Variants in OLIG2 observed in about 807,000 individuals in gnomAD.
OLIG2 encodes the protein basic domain, helix-loop-helix protein, class B, 1.
OLIG2 carries 12 observed loss-of-function variants against 13.4 expected under a neutral mutation model. The ratio of observed to expected loss-of-function variants is 0.90; its 90% confidence interval spans 0.58 to 1.46. The LOEUF (loss-of-function observed/expected upper bound fraction) is 1.46. Ranked by LOEUF, OLIG2 falls within the 40% of genes most tolerant of loss-of-function variation. The pLI is 0.00. For synonymous variants in OLIG2, 250 were observed against 233.6 expected (o/e 1.07, Z -0.64); for missense variants, 415 against 487.9 (o/e 0.85, Z 1.41).
chr21:33,027,864 AG>A lies in OLIG2; in HGVS notation c.*34del. On this transcript the variant is annotated 3_prime_UTR_variant, in exon 2 of 2. Transcript: ENST00000382357. ...ACTGGCGCCGGCGCGTTCTGGCGAC[AG>A]GGGAGCCAGGGGCCGCGGGGAAGCG... 1 of 1,361,846 alleles carries A rather than the reference AG, an allele frequency of 7.3e-7. No homozygotes were observed. The allele number at this position is 1,361,846 out of a possible 1,614,324, so 84.4% of individuals were successfully genotyped here. A position where few individuals can be genotyped will look rare whatever the true frequency, so the allele number is the denominator to read the frequency against.
In OLIG2 at chr21:33,028,244, AG is replaced by A; in HGVS notation, c.*415del. ...GGCTTGGGCAGCACTTCGGGGGGGGAGGGGGTGTTATGGGAGGGGGACACAT... is the reference window on the plus strand; with the variant it reads ...GGCTTGGGCAGCACTTCGGGGGGGGAGGGGTGTTATGGGAGGGGGACACAT... On this transcript the variant is annotated 3_prime_UTR_variant, in exon 2 of 2. Transcript: ENST00000382357. 1 of 220,674 alleles carries A rather than the reference AG, an allele frequency of 4.5e-6. No homozygotes were observed. 13.7% of individuals were successfully genotyped at this position (220,674 alleles called of 1,614,324 possible).
Position 33,026,513 on chromosome 21 carries a change from A to T in OLIG2, c.-62-288A>T. ...TAACTGAAAGCCCGAAGCCTCTAGA[A>T]TGCCACCCGCACCCCGAGGGTCACC... On this transcript the variant is annotated intron_variant, in intron 1 of 1. Transcript: ENST00000382357. The surrounding 1 kb of genome is among the most constrained non-coding windows in gnomAD (Gnocchi z 6.6). 1 of 300,744 alleles carries T rather than the reference A, an allele frequency of 3.3e-6. No homozygotes were observed. The highest frequency in any genetic ancestry group is 6.3e-6 in the Non-Finnish European group (1 of 159,300). The allele number at this position is 300,744 out of a possible 1,614,324, so 18.6% of individuals were successfully genotyped here.
Position 33,026,735 on chromosome 21 carries a change from T to A in OLIG2, c.-62-66T>A. 2 of 1,222,942 alleles carry A rather than the reference T, an allele frequency of 1.6e-6. No homozygotes were observed. The highest frequency in any genetic ancestry group is 2.2e-6 in the Non-Finnish European group (2 of 899,742). The allele number at this position is 1,222,942 out of a possible 1,614,324, so 75.8% of individuals were successfully genotyped here. A position where few individuals can be genotyped will look rare whatever the true frequency, so the allele number is the denominator to read the frequency against. On this transcript the variant is annotated intron_variant, in intron 1 of 1. Transcript: ENST00000382357. The surrounding 1 kb of genome is among the most constrained non-coding windows in gnomAD (Gnocchi z 6.6). ...AGCAGCTTTTCTGTCTCTCACTGAC[T>A]CACTCTCTCTCTCTCTCCCTCTCTC... is the stretch of plus-strand genomic sequence containing the variant.
In OLIG2 at chr21:33,027,236, A is replaced by T; in HGVS notation, c.374A>T (p.Asn125Ile). ...GAGCGCAAGCGCATGCACGACCTCA[A>T]CATCGCCATGGATGGCCTCCGCGAG... ...SRERKRMHDL[N>I]IAMDGLREVM... Residue 125 changes from asparagine to isoleucine, a missense_variant, in exon 2 of 2, where the codon AAC (asparagine) becomes ATC (isoleucine). Asn to Ile is a moderately radical substitution (Grantham distance 149). Around this residue, in one of 3 missense-constraint regions of OLIG2, gnomAD observed 50 missense variants for 119.9 expected, o/e 0.42. Transcript: ENST00000382357. 1 of 1,610,984 alleles carries T rather than the reference A, an allele frequency of 6.2e-7. No individual in the cohort carries two copies. Among genetic ancestry groups the T allele is most frequent in the Non-Finnish European group, 8.5e-7 (1 of 1,179,018 alleles).
chr21:33,027,728 G>A lies in OLIG2; in HGVS notation c.866G>A (p.Gly289Asp). The A allele has an allele frequency of 2.2e-6, 3 of 1,368,864 alleles. No individual in the cohort carries two copies. Among genetic ancestry groups the A allele is most frequent in the Non-Finnish European group, 9.4e-7 (1 of 1,068,946 alleles). 84.8% of individuals were successfully genotyped at this position (1,368,864 alleles called of 1,614,324 possible). A position where few individuals can be genotyped will look rare whatever the true frequency, so the allele number is the denominator to read the frequency against. Residue 289 changes from glycine to aspartate, a missense_variant, in exon 2 of 2, where the codon GGC (glycine) becomes GAC (aspartate). Gly to Asp is a moderately conservative substitution (Grantham distance 94). Coordinates refer to ENST00000382357, the MANE Select transcript of OLIG2 (RefSeq NM_005806.4). ...GCGAGCGGGGGCTTCCAGCACTGGG[G>A]CGGCATGCCCTGCCCCTGCAGCATG... is the stretch of plus-strand genomic sequence containing the variant. ...SGASGGFQHW[G>D]GMPCPCSMCQ...
In OLIG2 at chr21:33,028,892, T is replaced by C. The variant is rs983207671; in HGVS notation, c.*1058T>C. ...TTTGCTCACGTGACTGCCAGCCCCA[T>C]CGGAGTCTAAGCCGGCTTTCCTCTA... On this transcript the variant is annotated 3_prime_UTR_variant, in exon 2 of 2. Coordinates refer to ENST00000382357, the MANE Select transcript of OLIG2 (RefSeq NM_005806.4). 2.9e-5 allele frequency: 7 copies of C among 242,252 alleles called. No homozygotes were observed. Among genetic ancestry groups the C allele is most frequent in the African/African-American group, 2.2e-5 (1 of 45,100 alleles). The allele number at this position is 242,252 out of a possible 1,614,324, so 15.0% of individuals were successfully genotyped here. A position where few individuals can be genotyped will look rare whatever the true frequency, so the allele number is the denominator to read the frequency against.
rs1161105637 is a variant in OLIG2 at position 33,026,068 on chromosome 21, G to C, written c.-63+42G>C. On this transcript the variant is annotated intron_variant, in intron 1 of 1. Transcript: ENST00000382357. The surrounding 1 kb of genome is among the most constrained non-coding windows in gnomAD (Gnocchi z 6.6). Reference sequence around the variant, plus strand: ...CACAGCAGCCGCAGCCTAGATCCCAGGGACAGACTCTCCTCAACTCGGCTG... The same window carrying C: ...CACAGCAGCCGCAGCCTAGATCCCACGGACAGACTCTCCTCAACTCGGCTG... The C allele has an allele frequency of 6.6e-6, 1 of 152,514 alleles. No homozygotes were observed. Among genetic ancestry groups the C allele is most frequent in the African/African-American group, 2.4e-5 (1 of 41,446 alleles). 9.4% of individuals were successfully genotyped at this position (152,514 alleles called of 1,614,324 possible).
At position 33,027,627 on chromosome 21, in the gene OLIG2, T is replaced by C; in HGVS notation, c.765T>C (p.Arg255=). ...GSGLPSVGSI[R]PPHGLLKSPS... Reference sequence around the variant, plus strand: ...GGCTGCCGTCGGTCGGCTCCATCCGTCCACCGCACGGCCTACTCAAGTCTC... The same window carrying C: ...GGCTGCCGTCGGTCGGCTCCATCCGCCCACCGCACGGCCTACTCAAGTCTC... The change falls in exon 2 of 2, where the codon CGT becomes CGC. Residue 255 remains arginine, a synonymous_variant. Coordinates refer to ENST00000382357, the MANE Select transcript of OLIG2 (RefSeq NM_005806.4). The C allele has an allele frequency of 6.8e-7, 1 of 1,474,682 alleles. No homozygotes were observed. The highest frequency in any genetic ancestry group is 2.4e-5 in the Admixed American group (1 of 41,690). The allele number at this position is 1,474,682 out of a possible 1,614,324, so 91.3% of individuals were successfully genotyped here.
At position 33,026,569 on chromosome 21, in the gene OLIG2, A is replaced by G; in HGVS notation, c.-62-232A>G. On this transcript the variant is annotated intron_variant, in intron 1 of 1. Coordinates refer to ENST00000382357, the MANE Select transcript of OLIG2 (RefSeq NM_005806.4). This position sits in a 1 kb window ranked among gnomAD's most constrained non-coding sequence, Gnocchi z 6.6. ...TCCCTGAAATAACCTGTTGCATGAG[A>G]GCAGAGGGGAGATAGAGAGAGCTTA... is the stretch of plus-strand genomic sequence containing the variant. The G allele has an allele frequency of 2.2e-6, 1 of 463,462 alleles. No individual in the cohort carries two copies. Among genetic ancestry groups the G allele is most frequent in the Non-Finnish European group, 3.9e-6 (1 of 257,316 alleles). The allele number at this position is 463,462 out of a possible 1,614,324, so 28.7% of individuals were successfully genotyped here.
In OLIG2 at chr21:33,026,522, G is replaced by A. The variant is rs749437902; in HGVS notation, c.-62-279G>A. On this transcript the variant is annotated intron_variant, in intron 1 of 1. Transcript: ENST00000382357. The surrounding 1 kb of genome is among the most constrained non-coding windows in gnomAD (Gnocchi z 6.6). ...GCCCGAAGCCTCTAGAATGCCACCC[G>A]CACCCCGAGGGTCACCAACGCTCCC... 39 of 295,988 alleles carry A rather than the reference G, an allele frequency of 1.3e-4. 1 individual carries two copies. Among genetic ancestry groups the A allele is most frequent in the Non-Finnish European group, 2.2e-4 (35 of 156,694 alleles). The allele number at this position is 295,988 out of a possible 1,614,324, so 18.3% of individuals were successfully genotyped here.
In OLIG2 at chr21:33,026,597, T is replaced by C. The variant is rs1003056369; in HGVS notation, c.-62-204T>C. ...AGAGGGGAGATAGAGAGAGCTTAAT[T>C]ATAGGTACCCGCGTGCAGCTAAAAG... On this transcript the variant is annotated intron_variant, in intron 1 of 1. Transcript: ENST00000382357. This position sits in a 1 kb window ranked among gnomAD's most constrained non-coding sequence, Gnocchi z 6.6. 5 of 539,590 alleles carry C rather than the reference T, an allele frequency of 9.3e-6. No homozygotes were observed. The Admixed American group carries it at 1.4e-4, about 15-fold the overall frequency. 33.4% of individuals were successfully genotyped at this position (539,590 alleles called of 1,614,324 possible).
Position 33,027,397 on chromosome 21 carries a change from G to T in OLIG2, c.535G>T (p.Gly179Cys). 1 of 1,547,950 alleles carries T rather than the reference G, an allele frequency of 6.5e-7. No homozygotes were observed. Among genetic ancestry groups the T allele is most frequent in the East Asian group, 2.4e-5 (1 of 40,860 alleles). Reference protein sequence around the residue: ...MKRLVSEIYGGHHAGFHPSAC... With the variant: ...MKRLVSEIYGCHHAGFHPSAC... ...GCGACTGGTGAGCGAGATCTACGGG[G>T]GCCACCACGCTGGCTTCCACCCGTC... The change falls in exon 2 of 2, where the codon GGC becomes TGC. Residue 179 changes from glycine (G) to cysteine (C), a missense_variant. Physicochemically the swap from Gly to Cys is radical, Grantham distance 159. Coordinates refer to ENST00000382357, the MANE Select transcript of OLIG2 (RefSeq NM_005806.4).
rs922123131 is a variant in OLIG2, at chr21:33,027,959, G to A, written c.*125G>A. 2.0e-5 allele frequency: 22 copies of A among 1,095,522 alleles called. No individual in the cohort carries two copies. In the South Asian group the frequency reaches 5.7e-4, roughly 28 times the overall value. The allele number at this position is 1,095,522 out of a possible 1,614,324, so 67.9% of individuals were successfully genotyped here. On this transcript the variant is annotated 3_prime_UTR_variant, in exon 2 of 2. Coordinates refer to ENST00000382357, the MANE Select transcript of OLIG2 (RefSeq NM_005806.4). ...GGCGCAGGACCATGGACTGGGGGTG[G>A]GGCATGGTGGGGATTCCAGCATCTG...
chr21:33,027,084 C>A lies in OLIG2; in HGVS notation c.222C>A (p.Gly74=), dbSNP rs753283799. Residue 74 remains glycine (G), a synonymous_variant, in exon 2 of 2, where the codon GGC becomes GGA. Transcript: ENST00000382357. Reference sequence around the variant, plus strand: ...CTGGGGACAAGCTAGGAGGCAGTGGCTTCAAGTCATCCTCGTCCAGCACCT... The same window carrying A: ...CTGGGGACAAGCTAGGAGGCAGTGGATTCAAGTCATCCTCGTCCAGCACCT... ...AHPGDKLGGS[G]FKSSSSSTSS... 1 of 1,611,638 alleles carries A rather than the reference C, an allele frequency of 6.2e-7. No homozygotes were observed. Among genetic ancestry groups the A allele is most frequent in the Non-Finnish European group, 8.5e-7 (1 of 1,179,044 alleles).
chr21:33,026,990 C>T lies in OLIG2; in HGVS notation c.128C>T (p.Thr43Ile). Residue 43 changes from threonine to isoleucine, a missense_variant, in exon 2 of 2, where the codon ACC becomes ATC. Transcript: ENST00000382357. The surrounding 1 kb of genome is among the most constrained non-coding windows in gnomAD (Gnocchi z 6.6). ...ACTGGGGGCACCGTGTCCTCGTCCA[C>T]CCCGAGTGACTGCCCGCCGGAGCTG... ...AFTGGTVSSS[T>I]PSDCPPELSA... 1 of 1,612,402 alleles carries T rather than the reference C, an allele frequency of 6.2e-7. No individual in the cohort carries two copies. Among genetic ancestry groups the T allele is most frequent in the Non-Finnish European group, 8.5e-7 (1 of 1,179,558 alleles).
chr21:33,026,577 G>A lies in OLIG2; in HGVS notation c.-62-224G>A, dbSNP rs1981079085. On this transcript the variant is annotated intron_variant, in intron 1 of 1. Coordinates refer to ENST00000382357, the MANE Select transcript of OLIG2 (RefSeq NM_005806.4). This position sits in a 1 kb window ranked among gnomAD's most constrained non-coding sequence, Gnocchi z 6.6. ...ATAACCTGTTGCATGAGAGCAGAGG[G>A]GAGATAGAGAGAGCTTAATTATAGG... 8.1e-6 allele frequency: 4 copies of A among 495,382 alleles called. No individual in the cohort carries two copies. The highest frequency in any genetic ancestry group is 7.1e-5 in the South Asian group (3 of 42,444). 30.7% of individuals were successfully genotyped at this position (495,382 alleles called of 1,614,324 possible). A position where few individuals can be genotyped will look rare whatever the true frequency, so the allele number is the denominator to read the frequency against.
rs1225207017 is a variant in OLIG2 at position 33,027,174 on chromosome 21, G to C, written c.312G>C (p.Pro104=). 2.5e-6 allele frequency: 4 copies of C among 1,610,744 alleles called. No homozygotes were observed. Among genetic ancestry groups the C allele is most frequent in the Non-Finnish European group, 3.4e-6 (4 of 1,179,006 alleles). The change falls in exon 2 of 2, where the codon CCG becomes CCC. Residue 104 remains proline (P), a synonymous_variant. Coordinates refer to ENST00000382357, the MANE Select transcript of OLIG2 (RefSeq NM_005806.4). ...AGGACAAGAAGCAAATGACAGAGCCGGAGCTGCAGCAGCTGCGTCTCAAGA... is the reference window on the plus strand; with the variant it reads ...AGGACAAGAAGCAAATGACAGAGCCCGAGCTGCAGCAGCTGCGTCTCAAGA... ...TKKDKKQMTE[P]ELQQLRLKIN...
In OLIG2 at chr21:33,027,646, A is replaced by C. The variant is rs1292574147; in HGVS notation, c.784A>C (p.Lys262Gln). ...GSIRPPHGLL[K>Q]SPSAAAAAPL... Reference sequence around the variant, plus strand: ...CATCCGTCCACCGCACGGCCTACTCAAGTCTCCGTCTGCTGCCGCGGCCGC... The same window carrying C: ...CATCCGTCCACCGCACGGCCTACTCCAGTCTCCGTCTGCTGCCGCGGCCGC... The change falls in exon 2 of 2, where the codon AAG becomes CAG. Residue 262 changes from lysine to glutamine, a missense_variant. Physicochemically the swap from Lys to Gln is moderately conservative, Grantham distance 53. Transcript: ENST00000382357. 2 of 1,437,272 alleles carry C rather than the reference A, an allele frequency of 1.4e-6. No homozygotes were observed. The highest frequency in any genetic ancestry group is 1.8e-6 in the Non-Finnish European group (2 of 1,102,674). The allele number at this position is 1,437,272 out of a possible 1,614,324, so 89.0% of individuals were successfully genotyped here. A position where few individuals can be genotyped will look rare whatever the true frequency, so the allele number is the denominator to read the frequency against.
In OLIG2 at chr21:33,026,957, G is replaced by A. The variant is rs751810483; in HGVS notation, c.95G>A (p.Ser32Asn). The A allele has an allele frequency of 2.4e-5, 39 of 1,612,596 alleles. No homozygotes were observed. In the South Asian group the frequency reaches 4.0e-4, roughly 16 times the overall value. Residue 32 changes from serine (S) to asparagine (N), a missense_variant, in exon 2 of 2, where the codon AGC (serine) becomes AAC (asparagine). Transcript: ENST00000382357. The surrounding 1 kb of genome is among the most constrained non-coding windows in gnomAD (Gnocchi z 6.6). ...LPARSKGSSGSAFTGGTVSSS... is the reference protein window; with the variant it reads ...LPARSKGSSGNAFTGGTVSSS... The stretch of plus-strand genomic sequence containing the variant: ...GCCCGGAGTAAGGGCAGCAGCGGCA[G>A]CGCCTTCACTGGGGGCACCGTGTCC...
Sources: allele counts gnomAD v4.1 joint callset, GRCh38; gene constraint gnomAD v4.1.1; regional missense constraint gnomAD v4.1.1; non-coding constraint Gnocchi (gnomAD v3.1); transcripts MANE v1.5; gene names NCBI Gene and HGNC (gene_info 2026-07-23, HGNC 2026-07-21).